The following GPC6 variants were observed in gnomAD, a reference collection of about 807,000 sequenced individuals.
GPC6 encodes the protein glypican-6.
Under a neutral mutation model 55.2 loss-of-function variants are expected in GPC6, and 14 were observed. The ratio of observed to expected loss-of-function variants is 0.25; its 90% CI spans 0.17 to 0.40. GPC6 has a LOEUF of 0.40. Among genes scored for constraint, GPC6 ranks in the 10% least tolerant of loss-of-function variants. The probability of loss-of-function intolerance (pLI) is 1.00; values close to 1 mark genes in which losing one functional copy is unlikely to be tolerated. For synonymous variants in GPC6, 278 were observed against 259.6 expected (o/e 1.07, Z -0.68); for missense variants, 641 against 708.5 (o/e 0.90, Z 1.08).
intron 1 of GPC6, among the ~76,000 whole-genome samples, chr13:93,523,007 G>GAA (rs145925821): frequency 0.039 from 3,550 of 90,058 alleles, 124 homozygotes; most frequent in African/African-American, 0.11. Context: ...AAGAAAGAGG[G>GAA]AAAAAATATA....
chr13:93,886,600 G>T (rs1394083499), intron 3 of GPC6, among the ~76,000 whole-genome samples: 1 of 151,970 alleles, frequency 6.6e-6, no homozygotes, highest in Admixed American at 6.6e-5. Context: ...ACAAGGGTAA[G>T]GTACACTACC....
At chr13:94,230,511 C>T (rs1342279423) in intron 4 of GPC6, among the ~76,000 whole-genome samples, 4 of 152,172 alleles carry the variant, frequency 2.6e-5, no homozygotes, top group Non-Finnish European at 5.9e-5. Flanking sequence ...CAGAGACACT[C>T]TCCTCACACT....
At chr13:94,019,583 C>A (rs1258628436) in intron 3 of GPC6, among the ~76,000 whole-genome samples, 1 of 152,136 alleles carries the variant, frequency 6.6e-6, no homozygotes, top group Non-Finnish European at 1.5e-5. Context: ...CAGTCACTGC[C>A]TCAATCTTCA....
intron 1 of GPC6, among the ~76,000 whole-genome samples, chr13:93,243,785 C>T (rs1296517987): frequency 6.6e-6 from 1 of 152,156 alleles, no homozygotes; most frequent in African/African-American, 2.4e-5. Context: ...GAAGAGTTTT[C>T]TCCTTCACAA....
At chr13:93,520,469 T>C (rs1289266940) in intron 1 of GPC6, among the ~76,000 whole-genome samples, 1 of 151,946 alleles carries the variant, frequency 6.6e-6, no homozygotes, top group Admixed American at 6.6e-5. Context: ...ATGAGCAACA[T>C]TTTAATAAGT....
intron 1 of GPC6, among the ~76,000 whole-genome samples, chr13:93,258,623 G>A (rs1877033415): frequency 6.6e-6 from 1 of 152,082 alleles, no homozygotes; most frequent in Non-Finnish European, 1.5e-5. Context: ...AGGGGCAGAA[G>A]ACAAACAATC....
chr13:94,180,365 T>G (rs1888947314), intron 4 of GPC6, among the ~76,000 whole-genome samples: 1 of 152,212 alleles, frequency 6.6e-6, no homozygotes. Context: ...ATAAACAGGC[T>G]GTTTAGTGGT....
intron 7 of GPC6, among the ~76,000 whole-genome samples, chr13:94,391,755 A>G (rs1880654222): frequency 6.6e-6 from 1 of 152,180 alleles, no homozygotes; most frequent in Non-Finnish European, 1.5e-5. Flanking sequence ...GAACTTTTTT[A>G]TCTTCCTAAA....
chr13:93,414,664 G>A lies in GPC6; in HGVS notation c.161-130599G>A, dbSNP rs57633709. ...TGAGTATGTGTGGTGCCTGGGCAGA[G>A]GAAGAGACCACGGACAGCAGTTTGG... On this transcript the variant is annotated intron_variant, in intron 1 of 8. Coordinates refer to ENST00000377047, the MANE Select transcript of GPC6 (RefSeq NM_005708.5). Among the ~76,000 whole-genome samples, 1,059 of 152,208 alleles carry A rather than the reference G, an allele frequency of 7.0e-3. 11 individuals are homozygous for A. Among genetic ancestry groups the A allele is most frequent in the African/African-American group, 0.024 (1,013 of 41,526 alleles).
intron 4 of GPC6, among the ~76,000 whole-genome samples, chr13:94,114,208 C>T (rs1402260817): frequency 2.0e-5 from 3 of 149,854 alleles, no homozygotes; most frequent in Non-Finnish European, 4.4e-5. Context: ...TGGCACACAC[C>T]TAAATTTTGG....
chr13:93,216,966 T>C, the GPC6 span, among the ~76,000 whole-genome samples: 2 of 152,338 alleles, frequency 1.3e-5, no homozygotes, highest in South Asian at 2.1e-4. Flanking sequence ...CTGCTACCAA[T>C]TGCAATACAT....
At chr13:93,229,967 T>C (rs571367056) in intron 1 of GPC6, among the ~76,000 whole-genome samples, 1 of 152,328 alleles carries the variant, frequency 6.6e-6, no homozygotes, top group South Asian at 2.1e-4. Context: ...ATATACCCTG[T>C]TGTTACAGGA....
At chr13:94,224,789 G>T (rs1244893273) in intron 4 of GPC6, among the ~76,000 whole-genome samples, 1 of 152,056 alleles carries the variant, frequency 6.6e-6, no homozygotes, top group Non-Finnish European at 1.5e-5. Flanking sequence ...CAAGCAAAAT[G>T]CCTCGAGCAT....
intron 2 of GPC6, among the ~76,000 whole-genome samples, chr13:93,585,693 C>T (rs558640000): frequency 6.6e-5 from 10 of 152,216 alleles, no homozygotes; most frequent in African/African-American, 2.2e-4. Flanking sequence ...TTTGAGGGGG[C>T]ACTTCTAAAT....
chr13:93,759,425 T>C (rs1884885702), intron 2 of GPC6, among the ~76,000 whole-genome samples: 1 of 152,208 alleles, frequency 6.6e-6, no homozygotes, highest in Admixed American at 6.5e-5. Flanking sequence ...ACCTCATTAA[T>C]GGCTGTTACT....
intron 1 of GPC6, among the ~76,000 whole-genome samples, chr13:93,357,447 TAAC>T (rs981087459): frequency 6.9e-4 from 105 of 152,344 alleles, no homozygotes; most frequent in African/African-American, 2.5e-3. Flanking sequence ...TATAGGATCC[TAAC>T]AACATTAATT....
intron 1 of GPC6, among the ~76,000 whole-genome samples, chr13:93,524,200 A>G (rs976419): frequency 0.058 from 8,791 of 152,032 alleles, 828 homozygotes; most frequent in African/African-American, 0.2. Context: ...TAAATGCACT[A>G]AAGGGTAACT....
At chr13:93,485,073 G>C (rs1056389255) in intron 1 of GPC6, among the ~76,000 whole-genome samples, 4 of 152,204 alleles carry the variant, frequency 2.6e-5, no homozygotes, top group African/African-American at 7.2e-5. Flanking sequence ...AGAAGGGGCA[G>C]TTAGCCCCCC....
At chr13:93,598,751 C>T (rs1355043607) in intron 2 of GPC6, among the ~76,000 whole-genome samples, 2 of 152,190 alleles carry the variant, frequency 1.3e-5, no homozygotes, top group African/African-American at 2.4e-5. Context: ...ATTGCCACTA[C>T]TGAACTGGCA....
Sources: allele counts gnomAD v4.1 joint callset (sites outside exome capture counted in the v4.1 genomes callset), GRCh38; gene constraint gnomAD v4.1.1; transcripts MANE v1.5; gene names NCBI Gene and HGNC (gene_info 2026-07-23, HGNC 2026-07-21).